TTN: variants seen among roughly 807,000 people sequenced by gnomAD.
TTN encodes connectin.
Under a neutral mutation model 3,223.0 loss-of-function variants are expected in TTN, and 1,525 were observed. That is an observed-to-expected ratio of 0.47 (90% confidence interval 0.45 to 0.49). TTN has a LOEUF of 0.49. Among genes scored for constraint, TTN ranks in the 20% least tolerant of loss-of-function variants. TTN has a pLI of 0.00. For synonymous variants in TTN, 14,094 were observed against 15,161.0 expected, an observed-to-expected ratio of 0.93 and a Z score of 5.17; for missense variants, 40,786 against 43,424.0, an observed-to-expected ratio of 0.94 and a Z score of 5.40.
In TTN at chr2:178,616,462, T is replaced by C; in HGVS notation, c.48312+17A>G. The C allele has an allele frequency of 6.2e-7, 1 of 1,611,662 alleles. No homozygotes were observed. Among genetic ancestry groups the C allele is most frequent in the Non-Finnish European group, 8.5e-7 (1 of 1,178,582 alleles). ...ACTCTCATTTTTGGCATTGATGCAG[T>C]GCTGCTCAAAACTCACTTTAGTCCA... On this transcript the variant is annotated intron_variant, in intron 257 of 362. Transcript: ENST00000589042.
At chr2:178,538,020 C>G in intron 354 of TTN, 103 bp from the exon 355 acceptor site, 2 of 1,061,194 alleles carry the variant, frequency 1.9e-6, no homozygotes, top group Non-Finnish European at 2.6e-6. Flanking sequence ...CTGACACATA[C>G]CATGATTTAC....
Position 178,776,078 on chromosome 2 carries a change from A to G in TTN, c.5786T>C (p.Ile1929Thr). 6.2e-7 allele frequency: 1 copy of G among 1,614,104 alleles called. No individual in the cohort carries two copies. The highest frequency in any genetic ancestry group is 1.3e-5 in the African/African-American group (1 of 75,032). ...GVIEHKVKLE[I>T]QQREDFRSVL... ...AGACCTAAAATCTTCCCTCTGTTGAATCTCAAGCTTCACTTTATGCTCTAT... is the reference window on the plus strand; with the variant it reads ...AGACCTAAAATCTTCCCTCTGTTGAGTCTCAAGCTTCACTTTATGCTCTAT... Residue 1929 changes from isoleucine (I) to threonine (T), a missense_variant, in exon 28 of 363, where the codon ATT becomes ACT. Coordinates refer to ENST00000589042, the MANE Select transcript of TTN (RefSeq NM_001267550.2).
chr2:178,725,209 G>GA (rs1432231717), intron 71 of TTN, 159 bp downstream of exon 71: 2 of 757,850 alleles, frequency 2.6e-6, no homozygotes, highest in African/African-American at 3.6e-5. Context: ...AAACAGAAAA[G>GA]AGTGTTTGAA....
rs765869850 is a variant in TTN at position 178,527,079 on chromosome 2, G to C, written c.107909C>G (p.Thr35970Ser). The C allele has an allele frequency of 6.2e-7, 1 of 1,613,930 alleles. No individual in the cohort carries two copies. Among genetic ancestry groups the C allele is most frequent in the Non-Finnish European group, 8.5e-7 (1 of 1,179,856 alleles). Residue 35970 changes from threonine to serine, a missense_variant, in exon 363 of 363, where the codon ACC becomes AGC. Transcript: ENST00000589042. ...TCCAAATTCATTCCCTAAACTCAGG[G>C]TATAAAGTCCACCATCTTGTTTCTG... ...DVQKQDGGLYTLSLGNEFGSD... is the reference protein window; with the variant it reads ...DVQKQDGGLYSLSLGNEFGSD...
chr2:178,690,451 T>G (rs1224317069), intron 121 of TTN, among the ~76,000 whole-genome samples: 1 of 152,186 alleles, frequency 6.6e-6, no homozygotes, highest in Non-Finnish European at 1.5e-5. Context: ...ACCCATGTGT[T>G]AATGACTTTA....
chr2:178,756,709 C>G lies in TTN; in HGVS notation c.10767G>C (p.Glu3589Asp). 1 of 1,613,802 alleles carries G rather than the reference C, an allele frequency of 6.2e-7. No individual in the cohort carries two copies. The highest frequency in any genetic ancestry group is 8.5e-7 in the Non-Finnish European group (1 of 1,179,816). ...QAVADSSFTKEESKISQKEIK... is the reference protein window; with the variant it reads ...QAVADSSFTKDESKISQKEIK... Reference sequence around the variant, plus strand: ...TTTCCTTTTGAGATATTTTGCTCTCCTCCTTTGTGAAAGAGGAATCTGCCA... The same window carrying G: ...TTTCCTTTTGAGATATTTTGCTCTCGTCCTTTGTGAAAGAGGAATCTGCCA... Residue 3589 changes from glutamate to aspartate, a missense_variant, in exon 46 of 363, where the codon GAG becomes GAC. Physicochemically the swap from Glu to Asp is conservative, Grantham distance 45. Coordinates refer to ENST00000589042, the MANE Select transcript of TTN (RefSeq NM_001267550.2).
chr2:178,773,973 C>T lies in TTN; in HGVS notation c.7195G>A (p.Asp2399Asn), dbSNP rs763147469. 1 of 1,614,066 alleles carries T rather than the reference C, an allele frequency of 6.2e-7. No individual in the cohort carries two copies. Among genetic ancestry groups the T allele is most frequent in the Non-Finnish European group, 8.5e-7 (1 of 1,179,982 alleles). Residue 2399 changes from aspartate (D) to asparagine (N), a missense_variant, in exon 31 of 363, where the codon GAC becomes AAC. Physicochemically the swap from Asp to Asn is conservative, Grantham distance 23 (BLOSUM62 1). Transcript: ENST00000589042. ...MKDGQEVQPSDRVHIVIDKQS... is the reference protein window; with the variant it reads ...MKDGQEVQPSNRVHIVIDKQS... The stretch of plus-strand genomic sequence containing the variant: ...TTGTCTATCACAATGTGAACCCTGT[C>T]ACTGGGCTGCACTTCTTGGCCGTCT...
In TTN at chr2:178,730,273, T is replaced by C. The variant is rs1390946265; in HGVS notation, c.18127A>G (p.Ile6043Val). 6.2e-6 allele frequency: 10 copies of C among 1,612,866 alleles called. No individual in the cohort carries two copies. The South Asian group carries it at 6.6e-5, about 11-fold the overall frequency. ...TCTTTGTTATCTTTAAACCACTTTA[T>C]TGTCATGGGTGCAGTGCCACCCACA... ...ALVGGTAPMT[I>V]KWFKDNKELH... Residue 6043 changes from isoleucine to valine, a missense_variant, in exon 62 of 363, where the codon ATA (isoleucine) becomes GTA (valine). Physicochemically the swap from Ile to Val is conservative, Grantham distance 29 (BLOSUM62 3). Coordinates refer to ENST00000589042, the MANE Select transcript of TTN (RefSeq NM_001267550.2).
chr2:178,802,098 T>C (rs960676241), intron 3 of TTN, 40 bp downstream of exon 3: 20 of 1,612,910 alleles, frequency 1.2e-5, no homozygotes, highest in Non-Finnish European at 1.5e-5. Flanking sequence ...GGAGATGTCC[T>C]CTGGGGGAGC....
rs139504522 is a variant in TTN, at chr2:178,764,242, G to T, written c.10049C>A (p.Pro3350Gln). Reference protein sequence around the residue: ...MPVYPPAIITPLQDTVTSEGQ... With the variant: ...MPVYPPAIITQLQDTVTSEGQ... ...TTCAGAAGTGACAGTGTCCTGAAGC[G>T]GGGTGATGATGGCAGGTGGATAAAC... The change falls in exon 43 of 363, where the codon CCG becomes CAG. Residue 3350 changes from proline to glutamine, a missense_variant. Physicochemically the swap from Pro to Gln is moderately conservative, Grantham distance 76. Coordinates refer to ENST00000589042, the MANE Select transcript of TTN (RefSeq NM_001267550.2). 1.2e-6 allele frequency: 2 copies of T among 1,614,082 alleles called. No individual in the cohort carries two copies. The highest frequency in any genetic ancestry group is 8.5e-7 in the Non-Finnish European group (1 of 1,179,986).
Position 178,764,195 on chromosome 2 carries a change from A to T in TTN, c.10096T>A (p.Cys3366Ser). 1 of 1,614,138 alleles carries T rather than the reference A, an allele frequency of 6.2e-7. No individual in the cohort carries two copies. The highest frequency in any genetic ancestry group is 8.5e-7 in the Non-Finnish European group (1 of 1,179,970). The change falls in exon 43 of 363, where the codon TGC (cysteine) becomes AGC (serine). Residue 3366 changes from cysteine (C) to serine (S), a missense_variant. Cys to Ser is a moderately radical substitution (Grantham distance 112). Transcript: ENST00000589042. The stretch of plus-strand genomic sequence containing the variant: ...AACCTACCTGTTCCAGAAACCCGGC[A>T]TTGAAAACGGGCTGGCTGCCCTTCA... ...TSEGQPARFQ[C>S]RVSGTDLKVS...
chr2:178,784,230 C>T lies in TTN; in HGVS notation c.2615G>A (p.Arg872Lys), dbSNP rs1446769434. 2 of 1,614,150 alleles carry T rather than the reference C, an allele frequency of 1.2e-6. No individual in the cohort carries two copies. Among genetic ancestry groups the T allele is most frequent in the South Asian group, 1.1e-5 (1 of 91,082 alleles). Reference sequence around the variant, plus strand: ...CTGTGGCAAGGGTGTGGGCTCTGCCCTTACTCTAGTCTCACTGGGCTTCAC... The same window carrying T: ...CTGTGGCAAGGGTGTGGGCTCTGCCTTTACTCTAGTCTCACTGGGCTTCAC... ...PTVKPSETRV[R>K]AEPTPLPQFP... Residue 872 changes from arginine (R) to lysine (K), a missense_variant, in exon 16 of 363, where the codon AGG becomes AAG. Arg to Lys is a conservative substitution (Grantham distance 26, BLOSUM62 2). Coordinates refer to ENST00000589042, the MANE Select transcript of TTN (RefSeq NM_001267550.2).
In TTN at chr2:178,676,106, G is replaced by T. The variant is rs1577269743; in HGVS notation, c.34379-111C>A. On this transcript the variant is annotated intron_variant, in intron 147 of 362. Coordinates refer to ENST00000589042, the MANE Select transcript of TTN (RefSeq NM_001267550.2). ...ATGTGTTAACAGTCGCTCAAGACAG[G>T]TCTGTCATGTTAGTTGGGAGCCCAG... The T allele has an allele frequency of 1.0e-5, 10 of 962,728 alleles. No homozygotes were observed. In the East Asian group the frequency reaches 2.1e-4, roughly 20 times the overall value. 59.6% of individuals were successfully genotyped at this position (962,728 alleles called of 1,614,324 possible).
rs1256583434 is a variant in TTN, at chr2:178,621,717, T to C, written c.45107A>G (p.Asn15036Ser). Residue 15036 changes from asparagine to serine, a missense_variant, in exon 245 of 363, where the codon AAT becomes AGT. Physicochemically the swap from Asn to Ser is conservative, Grantham distance 46 (BLOSUM62 1). Coordinates refer to ENST00000589042, the MANE Select transcript of TTN (RefSeq NM_001267550.2). ...TTCACTAACTTCAATGTTGGCAAGATTTTTGGTAAAGACAGCTTCTTCTTC... is the reference window on the plus strand; with the variant it reads ...TTCACTAACTTCAATGTTGGCAAGACTTTTGGTAAAGACAGCTTCTTCTTC... ...VLEEEAVFTK[N>S]LANIEVSETD... 1.2e-6 allele frequency: 2 copies of C among 1,611,590 alleles called. No individual in the cohort carries two copies. The highest frequency in any genetic ancestry group is 2.2e-5 in the South Asian group (2 of 90,894).
chr2:178,756,727 A>C lies in TTN; in HGVS notation c.10749T>G (p.Asp3583Glu), dbSNP rs1421415018. The change falls in exon 46 of 363, where the codon GAT (aspartate) becomes GAG (glutamate). Residue 3583 changes from aspartate (D) to glutamate (E), a missense_variant. Asp to Glu is a conservative substitution (Grantham distance 45). Transcript: ENST00000589042. ...TGCTCTCCTCCTTTGTGAAAGAGGA[A>C]TCTGCCACTGCCTGGGACTTGGTGG... ...RESTKSQAVA[D>E]SSFTKEESKI... The C allele has an allele frequency of 6.2e-7, 1 of 1,613,746 alleles. No individual in the cohort carries two copies. The highest frequency in any genetic ancestry group is 8.5e-7 in the Non-Finnish European group (1 of 1,179,816).
In TTN at chr2:178,634,863, G is replaced by A. The variant is rs769697430; in HGVS notation, c.42025-14C>T. 3.1e-5 allele frequency: 49 copies of A among 1,601,550 alleles called. No homozygotes were observed. The highest frequency in any genetic ancestry group is 3.9e-5 in the Non-Finnish European group (46 of 1,176,470). ...GATTTCACAAGTCTGAAAAACAATA[G>A]TTTTAGTAACCATTTGAAAGAGATA... On this transcript the variant is annotated splice_polypyrimidine_tract_variant and intron_variant, in intron 228 of 362. Transcript: ENST00000589042. This position sits in a 1 kb window ranked among gnomAD's most constrained non-coding sequence, Gnocchi z 4.6.
Position 178,773,359 on chromosome 2 carries a change from A to T in TTN, c.7605T>A (p.Ile2535=). ...NCNLSVEKIK[I]IRGLRDLTCT... Reference sequence around the variant, plus strand: ...AGGTAAGGTCACGAAGACCTCTGATAATTTTAATTTCTGGGGAAAAAATAA... The same window carrying T: ...AGGTAAGGTCACGAAGACCTCTGATTATTTTAATTTCTGGGGAAAAAATAA... The change falls in exon 33 of 363, where the codon ATT becomes ATA. Residue 2535 remains isoleucine, a synonymous_variant. Transcript: ENST00000589042. 6.2e-7 allele frequency: 1 copy of T among 1,614,010 alleles called. No homozygotes were observed. Among genetic ancestry groups the T allele is most frequent in the Non-Finnish European group, 8.5e-7 (1 of 1,179,976 alleles).
At position 178,678,778 on chromosome 2, in the gene TTN, A is replaced by AACTGGT; in HGVS notation, c.33789_33794dup (p.Val11265_Pro11266dup). The AACTGGT allele has an allele frequency of 6.2e-7, 1 of 1,605,262 alleles. No homozygotes were observed. Among genetic ancestry groups the AACTGGT allele is most frequent in the Admixed American group, 1.7e-5 (1 of 58,194 alleles). On this transcript the variant is annotated inframe_insertion, in exon 143 of 363. Transcript: ENST00000589042. ...CAGGTGGAGCTTCCACCTTTTTAGG[A>AACTGGT]ACTGGTACTGGTACTTTCTCCTCTG...
chr2:178,729,194 A>G, intron 64 of TTN, 25 bp from the exon 65 acceptor site: 3 of 1,550,768 alleles, frequency 1.9e-6, no homozygotes, highest in South Asian at 2.5e-5. Context: ...GAGAGTGTGA[A>G]AAGAAGAAAC....
Sources: gnomAD v4.1 joint callset for allele counts (sites outside exome capture counted in the v4.1 genomes callset) on GRCh38, gnomAD v4.1.1 for gene constraint, Gnocchi (gnomAD v3.1) non-coding constraint, MANE v1.5 for transcripts, NCBI Gene and HGNC (gene_info 2026-07-23, HGNC 2026-07-21) for gene names.